TNRC6A: variants seen among roughly 807,000 people sequenced by gnomAD.
The protein encoded by TNRC6A is trinucleotide repeat containing adaptor 6A.
TNRC6A carries 44 observed loss-of-function variants against 221.2 expected under a neutral mutation model. The ratio of observed to expected loss-of-function variants is 0.20; its 90% CI spans 0.16 to 0.26. The LOEUF is 0.26. Among genes scored for constraint, TNRC6A ranks in the 10% least tolerant of loss-of-function variants. TNRC6A has a pLI of 1.00. For missense variants in TNRC6A, 2,199 were observed against 2,404.4 expected, an observed-to-expected ratio of 0.91 and a Z score of 1.79; for synonymous variants, 847 against 838.5, an observed-to-expected ratio of 1.01 and a Z score of -0.18.
chr16:24,783,804 C>G (rs1448604906), intron 5 of TNRC6A, among the ~76,000 whole-genome samples: 29 of 152,112 alleles, frequency 1.9e-4, no homozygotes, highest in Non-Finnish European at 2.9e-5. Flanking sequence ...AATGATGTTC[C>G]TCTATGTTTA....
chr16:24,745,160 T>C (rs2056977126), intron 2 of TNRC6A, among the ~76,000 whole-genome samples: 1 of 152,208 alleles, frequency 6.6e-6, no homozygotes, highest in Non-Finnish European at 1.5e-5. Flanking sequence ...TTAAAAAATA[T>C]GCAAAACTTC....
intron 2 of TNRC6A, among the ~76,000 whole-genome samples, chr16:24,667,760 T>C (rs2055202718): frequency 6.6e-6 from 1 of 152,212 alleles, no homozygotes; most frequent in South Asian, 2.1e-4. Flanking sequence ...TTCAGTATGT[T>C]GGGCATGGTA....
At chr16:24,786,561 G>A (rs932580281) in intron 5 of TNRC6A, among the ~76,000 whole-genome samples, 7 of 152,000 alleles carry the variant, frequency 4.6e-5, no homozygotes, top group Non-Finnish European at 1.0e-4. Context: ...TGATCCTCCC[G>A]CCTCGGCTCC....
intron 3 of TNRC6A, among the ~76,000 whole-genome samples, chr16:24,753,326 C>T (rs543783055): frequency 6.6e-6 from 1 of 152,306 alleles, no homozygotes; most frequent in African/African-American, 2.4e-5. Context: ...TTTGCCAGAT[C>T]TTCAGCACTG....
At chr16:24,683,196 G>A (rs1379418361) in intron 2 of TNRC6A, among the ~76,000 whole-genome samples, 2 of 152,116 alleles carry the variant, frequency 1.3e-5, no homozygotes, top group South Asian at 4.2e-4. Flanking sequence ...TTTTTTTGTT[G>A]TTGTTACTAT....
At position 24,794,665 on chromosome 16, in the gene TNRC6A, A is replaced by G. The variant is rs2151908051; in HGVS notation, c.3474A>G (p.Gln1158=). Residue 1158 remains glutamine (Q), a synonymous_variant, in exon 8 of 25, where the codon CAA becomes CAG. Transcript: ENST00000395799. ...EIGMWNSNSS[Q]ELNSSLNWPP... ...GAATGTGGAATAGTAATTCATCTCA[A>G]GAGCTTAACTCATCTTTAAATTGGC... The G allele has an allele frequency of 2.5e-6, 4 of 1,613,920 alleles. No homozygotes were observed. The highest frequency in any genetic ancestry group is 2.2e-5 in the South Asian group (2 of 91,014).
intron 2 of TNRC6A, chr16:24,663,044 T>C (rs372838124): frequency 1.3e-5 from 2 of 153,722 alleles, no homozygotes; most frequent in East Asian, 3.8e-4. Context: ...ACAAATGATC[T>C]CAGTGTGTTC....
At chr16:24,747,863 T>G (rs1229753021) in intron 2 of TNRC6A, among the ~76,000 whole-genome samples, 1 of 152,112 alleles carries the variant, frequency 6.6e-6, no homozygotes, top group Non-Finnish European at 1.5e-5. Context: ...CAGAAAGTCT[T>G]GAAAATGAAG....
intron 2 of TNRC6A, among the ~76,000 whole-genome samples, chr16:24,641,410 G>A (rs1316881911): frequency 2.0e-5 from 3 of 152,196 alleles, no homozygotes; most frequent in African/African-American, 7.2e-5. Context: ...AGACCAGTTA[G>A]GAGGCCTTTG....
At chr16:24,816,661 AATTGT>A in intron 19 of TNRC6A, 150 bp from the exon 20 acceptor site, 1 of 852,536 alleles carries the variant, frequency 1.2e-6, no homozygotes, top group Non-Finnish European at 1.7e-6. Context: ...CTATAATACT[AATTGT>A]ATTAACTGAA....
At chr16:24,618,106 G>C (rs1249520721) in intron 1 of TNRC6A, among the ~76,000 whole-genome samples, 2 of 142,596 alleles carry the variant, frequency 1.4e-5, no homozygotes, top group East Asian at 3.9e-4. Flanking sequence ...GTTTTGTAGA[G>C]ATGGGGTTTC....
At chr16:24,675,698 C>CTATATATA (rs2055402994) in intron 2 of TNRC6A, among the ~76,000 whole-genome samples, 3 of 66,596 alleles carry the variant, frequency 4.5e-5, no homozygotes, top group Non-Finnish European at 8.8e-5. Context: ...CTCTCTCTCT[C>CTATATATA]TCTCTATATA....
At chr16:24,809,311 G>A (rs777778820) in intron 17 of TNRC6A, 39 bp from the exon 18 acceptor site, 42 of 1,460,342 alleles carry the variant, frequency 2.9e-5, no homozygotes, top group Middle Eastern at 2.0e-4. Flanking sequence ...AAAATGTGCT[G>A]TATTTTCTAA....
intron 2 of TNRC6A, among the ~76,000 whole-genome samples, chr16:24,699,041 C>A (rs945450961): frequency 6.6e-6 from 1 of 152,078 alleles, no homozygotes; most frequent in African/African-American, 2.4e-5. Flanking sequence ...GCTGAAGAAC[C>A]TACAGAGCGG....
intron 20 of TNRC6A, 86 bp from the exon 21 acceptor site, chr16:24,818,507 A>G (rs561811589): frequency 1.1e-5 from 11 of 1,001,462 alleles, no homozygotes; most frequent in Non-Finnish European, 1.7e-5. Context: ...GCATACTGTT[A>G]GCTTTGATTT....
In TNRC6A at chr16:24,669,941, C is replaced by CTTTTTTTT. The variant is rs535737725; in HGVS notation, n.402+28952_402+28959dup. On this transcript the variant is annotated intron_variant and non_coding_transcript_variant, in intron 2 of 2. Transcript: ENST00000566108. ...TCGTTATGACCCTATGAGGCAGCTACTTTTTTTTTTTTTTTTTTTTTTTTT... is the reference window on the plus strand; with the variant it reads ...TCGTTATGACCCTATGAGGCAGCTACTTTTTTTTTTTTTTTTTTTTTTTTTTTTTTTTT... Among the ~76,000 whole-genome samples, 32 of 27,188 alleles carry CTTTTTTTT rather than the reference C, an allele frequency of 1.2e-3. 11 individuals carry two copies. Among genetic ancestry groups the CTTTTTTTT allele is most frequent in the African/African-American group, 2.3e-3 (17 of 7,410 alleles). 17.8% of individuals were successfully genotyped at this position (27,188 alleles called of 152,430 possible).
chr16:24,690,388 T>C (rs532555708), intron 2 of TNRC6A, among the ~76,000 whole-genome samples: 29 of 152,284 alleles, frequency 1.9e-4, no homozygotes, highest in African/African-American at 6.5e-4. Context: ...TCCCAATATA[T>C]GGTCTTCAAA....
intron 4 of TNRC6A, among the ~76,000 whole-genome samples, chr16:24,767,762 A>G (rs191565855): frequency 3.3e-5 from 5 of 152,336 alleles, no homozygotes; most frequent in African/African-American, 1.2e-4. Context: ...ACTAATTTAT[A>G]TCTTCAGTGA....
intron 1 of TNRC6A, among the ~76,000 whole-genome samples, chr16:24,639,138 C>T (rs4788419): frequency 0.46 from 69,264 of 151,830 alleles, 16,128 homozygotes; most frequent in Middle Eastern, 0.54. Context: ...TAAGAGAGGA[C>T]GTACATAGGG....
Sources: gnomAD v4.1 joint callset for allele counts (sites outside exome capture counted in the v4.1 genomes callset) on GRCh38, gnomAD v4.1.1 for gene constraint, MANE v1.5 for transcripts, NCBI Gene and HGNC (gene_info 2026-07-23, HGNC 2026-07-21) for gene names.